The following LRP1B variants were observed in gnomAD, a reference collection of about 807,000 sequenced individuals.
LRP1B encodes LDL receptor related protein 1B, also known as low-density lipoprotein receptor-related protein 1B.
Under a neutral mutation model 556.6 loss-of-function variants are expected in LRP1B, and 217 were observed. The ratio of observed to expected loss-of-function variants is 0.39; its 90% confidence interval spans 0.35 to 0.44. LRP1B has a LOEUF of 0.44. LRP1B is among the 20% of genes least tolerant of loss of function. The pLI is 1.00. For missense variants in LRP1B, 5,053 were observed against 5,620.8 expected (o/e 0.90, Z 3.23); for synonymous variants, 2,047 against 1,865.8 (o/e 1.10, Z -2.50).
At chr2:140,712,181 C>T (rs913116157) in intron 37 of LRP1B, among the ~76,000 whole-genome samples, 1 of 152,078 alleles carries the variant, frequency 6.6e-6, no homozygotes, top group Non-Finnish European at 1.5e-5. Flanking sequence ...TCTGTTTTCC[C>T]GGAGTGGTCC....
intron 11 of LRP1B, among the ~76,000 whole-genome samples, chr2:141,031,191 T>C (rs62173683): frequency 0.043 from 6,579 of 151,456 alleles, 219 homozygotes; most frequent in Non-Finnish European, 0.068. Context: ...CATCAGACCA[T>C]GGAGTGTGTA....
intron 55 of LRP1B, among the ~76,000 whole-genome samples, chr2:140,497,293 G>A (rs1688984525): frequency 6.6e-6 from 1 of 151,788 alleles, no homozygotes; most frequent in South Asian, 2.1e-4. Flanking sequence ...TAAAATGAAG[G>A]CAAAAGTCAG....
At chr2:140,892,534 T>A (rs1414744676) in intron 23 of LRP1B, among the ~76,000 whole-genome samples, 2 of 152,116 alleles carry the variant, frequency 1.3e-5, no homozygotes, top group Non-Finnish European at 2.9e-5. Context: ...ACAGAGTGGA[T>A]AATTTTGAGA....
chr2:140,787,350 A>T (rs1489726964), intron 32 of LRP1B, among the ~76,000 whole-genome samples: 1 of 151,926 alleles, frequency 6.6e-6, no homozygotes, highest in African/African-American at 2.4e-5. Context: ...CCCTCCACTC[A>T]CTTCTACTCC....
rs192825709 is a variant in LRP1B at position 140,345,033 on chromosome 2, C to T, written c.11892+5764G>A. Among the ~76,000 whole-genome samples the T allele has an allele frequency of 4.6e-5, 7 of 151,812 alleles. No individual in the cohort carries two copies. In the East Asian group the frequency reaches 1.4e-3, roughly 30 times the overall value. On this transcript the variant is annotated intron_variant, in intron 77 of 90. Transcript: ENST00000389484. Reference sequence around the variant, plus strand: ...TCTACTGAAAGCTTGGCTGGAGATGCTGACATTGTGGTGAAGGGTTTCTCA... The same window carrying T: ...TCTACTGAAAGCTTGGCTGGAGATGTTGACATTGTGGTGAAGGGTTTCTCA...
intron 60 of LRP1B, among the ~76,000 whole-genome samples, chr2:140,467,817 G>A (rs1352582116): frequency 6.6e-6 from 1 of 152,102 alleles, no homozygotes; most frequent in Non-Finnish European, 1.5e-5. Flanking sequence ...AGTGTTAAAG[G>A]AGGTACTTGG....
intron 2 of LRP1B, among the ~76,000 whole-genome samples, chr2:141,568,154 A>C (rs535473087): frequency 1.1e-4 from 16 of 151,240 alleles, no homozygotes; most frequent in Non-Finnish European, 2.4e-4. Context: ...CTAACCAAGG[A>C]AAGAAGCTTG....
intron 18 of LRP1B, among the ~76,000 whole-genome samples, chr2:140,955,353 A>G (rs72848564): frequency 0.023 from 3,490 of 151,970 alleles, 50 homozygotes; most frequent in Non-Finnish European, 0.035. Context: ...TTAAAATGTC[A>G]TTACGAATTC....
intron 7 of LRP1B, among the ~76,000 whole-genome samples, chr2:141,156,640 A>G (rs1160090149): frequency 1.3e-5 from 2 of 151,784 alleles, no homozygotes; most frequent in East Asian, 1.9e-4. Flanking sequence ...AAAAAAATCA[A>G]TTCACAAACT....
intron 6 of LRP1B, among the ~76,000 whole-genome samples, chr2:141,191,680 C>T (rs1432614576): frequency 6.8e-6 from 1 of 148,120 alleles, no homozygotes; most frequent in South Asian, 2.1e-4. Flanking sequence ...CAAAAATAAG[C>T]TTTTTTTTTT....
At chr2:141,992,953 G>A (rs1181162003) in intron 1 of LRP1B, among the ~76,000 whole-genome samples, 1 of 152,088 alleles carries the variant, frequency 6.6e-6, no homozygotes, top group Non-Finnish European at 1.5e-5. Context: ...TTACTTGACA[G>A]GCATTGCTGG....
At chr2:141,061,177 C>A (rs890987492) in intron 8 of LRP1B, among the ~76,000 whole-genome samples, 3 of 151,592 alleles carry the variant, frequency 2.0e-5, no homozygotes, top group African/African-American at 7.3e-5. Context: ...TGAACAGGTT[C>A]CCCCACTCCA....
intron 6 of LRP1B, among the ~76,000 whole-genome samples, chr2:141,224,503 A>T (rs1387469354): frequency 6.6e-6 from 1 of 152,174 alleles, no homozygotes; most frequent in East Asian, 1.9e-4. Context: ...CAAAAATATA[A>T]ATCATTCTAT....
At chr2:141,889,411 T>C (rs1699214885) in intron 1 of LRP1B, among the ~76,000 whole-genome samples, 1 of 152,186 alleles carries the variant, frequency 6.6e-6, no homozygotes, top group African/African-American at 2.4e-5. Flanking sequence ...ATTTATGTGA[T>C]TTTCTAGAGA....
At chr2:140,319,751 TA>T (rs779478577) in intron 82 of LRP1B, among the ~76,000 whole-genome samples, 14 of 152,168 alleles carry the variant, frequency 9.2e-5, no homozygotes, top group Non-Finnish European at 2.1e-4. Flanking sequence ...AACGTGGTAC[TA>T]ACAATATTTG....
intron 7 of LRP1B, among the ~76,000 whole-genome samples, chr2:141,186,809 G>A (rs1681279032): frequency 6.6e-6 from 1 of 151,992 alleles, no homozygotes; most frequent in Non-Finnish European, 1.5e-5. Context: ...AAAGTATATT[G>A]TTGTTCAGAA....
At chr2:140,328,652 T>C (rs1028444565) in intron 79 of LRP1B, among the ~76,000 whole-genome samples, 1 of 151,998 alleles carries the variant, frequency 6.6e-6, no homozygotes, top group Non-Finnish European at 1.5e-5. Context: ...AACCACCAAG[T>C]GTGAATTACC....
intron 7 of LRP1B, among the ~76,000 whole-genome samples, chr2:141,173,876 T>C (rs1680616458): frequency 1.3e-5 from 2 of 152,122 alleles, no homozygotes; most frequent in Admixed American, 1.3e-4. Flanking sequence ...CTTAAGCCAG[T>C]TAAAGATGAG....
intron 40 of LRP1B, among the ~76,000 whole-genome samples, chr2:140,700,925 T>C (rs539482728): frequency 3.9e-5 from 6 of 152,246 alleles, no homozygotes; most frequent in African/African-American, 9.6e-5. Context: ...TTGATACTTA[T>C]AGTGTTTCAT....
Sources: gnomAD v4.1 joint callset for allele counts (sites outside exome capture counted in the v4.1 genomes callset) on GRCh38, gnomAD v4.1.1 for gene constraint, MANE v1.5 for transcripts, NCBI Gene and HGNC (gene_info 2026-07-23, HGNC 2026-07-21) for gene names.